The following SESN1 variants were observed in gnomAD, a reference collection of about 807,000 sequenced individuals.
SESN1 encodes the protein sestrin-1.
Under a neutral mutation model 59.3 loss-of-function variants are expected in SESN1, and 30 were observed. The ratio of observed to expected loss-of-function variants is 0.51; its 90% CI spans 0.38 to 0.69. SESN1 has a LOEUF of 0.69. Among genes scored for constraint, SESN1 ranks in the 30% least tolerant of loss-of-function variants. The probability of loss-of-function intolerance (pLI) is 0.00; values close to 1 mark genes in which losing one functional copy is unlikely to be tolerated. For missense variants in SESN1, 566 were observed against 673.0 expected (o/e 0.84, Z 1.76); for synonymous variants, 197 against 219.9 (o/e 0.90, Z 0.92).
At chr6:109,052,693 C>T (rs1780560171) in intron 1 of SESN1, among the ~76,000 whole-genome samples, 1 of 152,080 alleles carries the variant, frequency 6.6e-6, no homozygotes, top group Non-Finnish European at 1.5e-5. Context: ...GTAGATTATT[C>T]TCTAGTCATT....
At chr6:109,001,961 A>C (rs1223467267) in intron 2 of SESN1, among the ~76,000 whole-genome samples, 1 of 152,236 alleles carries the variant, frequency 6.6e-6, no homozygotes, top group East Asian at 1.9e-4. Flanking sequence ...GGAGACAGTC[A>C]AGACTAAGTA....
chr6:109,021,387 C>T (rs751891221), intron 1 of SESN1, among the ~76,000 whole-genome samples: 4 of 152,114 alleles, frequency 2.6e-5, no homozygotes, highest in Non-Finnish European at 5.9e-5. Flanking sequence ...GTTTTCCATA[C>T]AACCCTAGAG....
rs79834132 is a variant in SESN1 at position 109,091,542 on chromosome 6, T to C, written c.279+2253A>G. Among the ~76,000 whole-genome samples the C allele has an allele frequency of 5.3e-4, 81 of 152,350 alleles. No individual in the cohort carries two copies. In the East Asian group the frequency reaches 0.015, roughly 28 times the overall value. On this transcript the variant is annotated intron_variant, in intron 1 of 9. Coordinates refer to ENST00000436639, the MANE Select transcript of SESN1 (RefSeq NM_014454.3). ...TAGAACTCATCTGCTCTCCTTGGCA[T>C]GAGGCCTTCATACATACCGTTCCCT...
chr6:108,992,631 G>A (rs890353434), intron 7 of SESN1, among the ~76,000 whole-genome samples, 156 bp downstream of exon 7: 7 of 152,176 alleles, frequency 4.6e-5, no homozygotes, highest in Non-Finnish European at 1.0e-4. Context: ...TTCCATGGAT[G>A]AATTAGAAAC....
intron 1 of SESN1, among the ~76,000 whole-genome samples, chr6:109,047,013 C>G (rs530079870): frequency 8.9e-4 from 41 of 46,054 alleles, no homozygotes; most frequent in South Asian, 2.5e-3. Flanking sequence ...GCCCCCTGCC[C>G]GGCCAGCCGC....
At chr6:109,034,861 G>C (rs1224296147) in intron 1 of SESN1, among the ~76,000 whole-genome samples, 2 of 152,196 alleles carry the variant, frequency 1.3e-5, no homozygotes, top group Non-Finnish European at 2.9e-5. Context: ...TGATTATATG[G>C]AGCTGCTAAA....
rs147855514 is a variant in SESN1 at position 109,051,172 on chromosome 6, A to C, written c.279+42623T>G. Among the ~76,000 whole-genome samples the C allele has an allele frequency of 6.7e-3, 1,017 of 152,150 alleles. 10 individuals are homozygous for C. Among genetic ancestry groups the C allele is most frequent in the African/African-American group, 0.023 (938 of 41,526 alleles). ...AAACAAAAAAAAACAACAAAAAAAA[A>C]CTCATTTCAGAAATCAGTTTCATGA... On this transcript the variant is annotated intron_variant, in intron 1 of 9. Transcript: ENST00000436639.
chr6:109,002,324 G>T lies in SESN1; in HGVS notation c.299C>A (p.Pro100His). The part of the protein sequence containing the change: ...KSIQELGIRI[P>H]RPLGQGPSRF... ...GCTTGGTCCCTGTCCTAGTGGTCGA[G>T]GAATTCTAATGCCAAGTTCCTAGAA... Residue 100 changes from proline to histidine, a missense_variant, in exon 2 of 10, where the codon CCT (proline) becomes CAT (histidine). Pro to His is a moderately conservative substitution (Grantham distance 77). Coordinates refer to ENST00000436639, the MANE Select transcript of SESN1 (RefSeq NM_014454.3). 1 of 1,613,252 alleles carries T rather than the reference G, an allele frequency of 6.2e-7. No individual in the cohort carries two copies. The highest frequency in any genetic ancestry group is 8.5e-7 in the Non-Finnish European group (1 of 1,179,390).
At chr6:109,007,645 C>T (rs895161486) in intron 1 of SESN1, among the ~76,000 whole-genome samples, 3 of 151,838 alleles carry the variant, frequency 2.0e-5, no homozygotes, top group South Asian at 2.1e-4. Flanking sequence ...GCTGGCCTTT[C>T]GACATTCAAA....
At chr6:109,070,444 G>A (rs185506462) in intron 1 of SESN1, among the ~76,000 whole-genome samples, 73 of 151,940 alleles carry the variant, frequency 4.8e-4, no homozygotes, top group South Asian at 1.3e-3. Flanking sequence ...GCTGTATGTG[G>A]GGTGTGCAGC....
At chr6:109,044,190 C>T (rs1039917877) in intron 1 of SESN1, among the ~76,000 whole-genome samples, 6 of 151,378 alleles carry the variant, frequency 4.0e-5, no homozygotes, top group Admixed American at 6.6e-5. Context: ...TGGCACCTGC[C>T]GGTGATCCCA....
At chr6:109,032,518 T>C (rs913678724) in intron 1 of SESN1, among the ~76,000 whole-genome samples, 4 of 150,898 alleles carry the variant, frequency 2.7e-5, no homozygotes, top group Admixed American at 1.3e-4. Context: ...TTGGGGAGGC[T>C]GAGGCAGGAG....
intron 1 of SESN1, among the ~76,000 whole-genome samples, chr6:109,071,670 T>C (rs1053857350): frequency 2.6e-5 from 4 of 152,160 alleles, no homozygotes; most frequent in Non-Finnish European, 4.4e-5. Context: ...GGTGAGGGCC[T>C]GCCAGTTTAA....
intron 1 of SESN1, among the ~76,000 whole-genome samples, chr6:109,043,325 T>C (rs1471660366): frequency 6.6e-6 from 1 of 152,086 alleles, no homozygotes; most frequent in East Asian, 1.9e-4. Flanking sequence ...AACATAGTCC[T>C]GGAAGTTCTA....
At chr6:109,046,315 C>T (rs1182016005) in intron 1 of SESN1, among the ~76,000 whole-genome samples, 5 of 151,862 alleles carry the variant, frequency 3.3e-5, no homozygotes, top group African/African-American at 1.2e-4. Flanking sequence ...CAGCCCCTAA[C>T]CGCGAGTGAT....
intron 5 of SESN1, among the ~76,000 whole-genome samples, chr6:108,996,758 GAAT>G (rs1445705517): frequency 1.3e-5 from 2 of 152,044 alleles, no homozygotes; most frequent in Non-Finnish European, 2.9e-5. Flanking sequence ...CATGAGAACA[GAAT>G]AATACACCAA....
chr6:109,077,972 G>T (rs1040018110), intron 1 of SESN1, among the ~76,000 whole-genome samples: 1 of 151,942 alleles, frequency 6.6e-6, no homozygotes, highest in Non-Finnish European at 1.5e-5. Context: ...ATTATTCAAA[G>T]AAAAATTTAA....
intron 2 of SESN1, among the ~76,000 whole-genome samples, 193 bp downstream of exon 2, chr6:109,002,085 T>C (rs991651195): frequency 3.9e-5 from 6 of 152,210 alleles, no homozygotes; most frequent in African/African-American, 1.4e-4. Context: ...AAACACATCA[T>C]GAAATACTAG....
chr6:109,011,234 T>A (rs1779852714), intron 1 of SESN1, among the ~76,000 whole-genome samples: 2 of 152,260 alleles, frequency 1.3e-5, no homozygotes, highest in South Asian at 4.1e-4. Flanking sequence ...GCTAACTGCA[T>A]GCATATAGTA....
Sources: gnomAD v4.1 joint callset for allele counts (sites outside exome capture counted in the v4.1 genomes callset) on GRCh38, gnomAD v4.1.1 for gene constraint, MANE v1.5 for transcripts, NCBI Gene and HGNC (gene_info 2026-07-23, HGNC 2026-07-21) for gene names.